VWC2: variants seen among roughly 807,000 people sequenced by gnomAD.
VWC2 encodes von Willebrand factor C domain containing 2, also known as brorin.
Under a neutral mutation model 29.8 loss-of-function variants are expected in VWC2, and 14 were observed. The observed-to-expected ratio is 0.47, with a 90% CI of 0.31 to 0.74. VWC2 has a LOEUF of 0.74. Ranked by LOEUF, VWC2 falls within the 30% of genes least tolerant of loss-of-function variation. The pLI, the probability that VWC2 is intolerant of heterozygous loss-of-function variation, is 0.05. For missense variants in VWC2, 457 were observed against 459.8 expected, an observed-to-expected ratio of 0.99 and a Z score of 0.05; for synonymous variants, 213 against 199.0, an observed-to-expected ratio of 1.07 and a Z score of -0.59.
At chr7:49,860,572 A>T (rs993196501) in intron 3 of VWC2, among the ~76,000 whole-genome samples, 3 of 152,248 alleles carry the variant, frequency 2.0e-5, no homozygotes, top group South Asian at 4.1e-4. Flanking sequence ...ATTGGCATAC[A>T]AGTATCTGTT....
Position 49,921,641 on chromosome 7 carries a change from A to G in VWC2, c.*9456A>G, listed in dbSNP as rs1286885173. 6 of 152,218 alleles carry G rather than the reference A, an allele frequency of 3.9e-5. No homozygotes were observed. The highest frequency in any genetic ancestry group is 1.4e-4 in the African/African-American group (6 of 41,460). 9.4% of individuals were successfully genotyped at this position (152,218 alleles called of 1,614,324 possible). Reference sequence around the variant, plus strand: ...CCTAGAATAGATATTTATAAAGCACAAGATCTATGTAAAGTGTTTATAACA... The same window carrying G: ...CCTAGAATAGATATTTATAAAGCACGAGATCTATGTAAAGTGTTTATAACA... On this transcript the variant is annotated 3_prime_UTR_variant, in exon 4 of 4. Transcript: ENST00000340652.
intron 3 of VWC2, among the ~76,000 whole-genome samples, chr7:49,857,589 C>A (rs1324828626): frequency 6.6e-6 from 1 of 152,138 alleles, no homozygotes; most frequent in South Asian, 2.1e-4. Flanking sequence ...CAAATTAAAA[C>A]CTCCGTGAGA....
At chr7:49,862,420 G>A (rs1226842948) in intron 3 of VWC2, among the ~76,000 whole-genome samples, 1 of 152,140 alleles carries the variant, frequency 6.6e-6, no homozygotes, top group Non-Finnish European at 1.5e-5. Flanking sequence ...CGTGAATAGA[G>A]ATAGTTTTAT....
At position 49,775,354 on chromosome 7, in the gene VWC2, G is replaced by C; in HGVS notation, c.-82G>C. On this transcript the variant is annotated 5_prime_UTR_variant, in exon 2 of 4. Transcript: ENST00000340652. ...GCAGGGACGGCGGCTCCCGGCTGGCGGCGGCGCGCCCCCGGGCTGTGAATG... is the reference window on the plus strand; with the variant it reads ...GCAGGGACGGCGGCTCCCGGCTGGCCGCGGCGCGCCCCCGGGCTGTGAATG... The C allele has an allele frequency of 1.7e-6, 2 of 1,165,168 alleles. No homozygotes were observed. The highest frequency in any genetic ancestry group is 2.2e-6 in the Non-Finnish European group (2 of 913,166). 72.2% of individuals were successfully genotyped at this position (1,165,168 alleles called of 1,614,324 possible).
intron 3 of VWC2, among the ~76,000 whole-genome samples, chr7:49,856,116 C>T (rs1445126356): frequency 6.6e-6 from 1 of 152,180 alleles, no homozygotes; most frequent in African/African-American, 2.4e-5. Context: ...TGCATAAGAC[C>T]ATACACGTAA....
intron 3 of VWC2, among the ~76,000 whole-genome samples, chr7:49,900,904 T>C (rs1390467603): frequency 2.0e-5 from 3 of 151,854 alleles, no homozygotes; most frequent in Non-Finnish European, 4.4e-5. Context: ...GTAAGAATAA[T>C]TATACATCAC....
chr7:49,787,543 G>T (rs895441000), intron 2 of VWC2, among the ~76,000 whole-genome samples: 21 of 152,176 alleles, frequency 1.4e-4, no homozygotes, highest in African/African-American at 5.1e-4. Flanking sequence ...AGCCCCACCC[G>T]TGGGGAGCCT....
chr7:49,863,081 A>C (rs1307254639), intron 3 of VWC2, among the ~76,000 whole-genome samples: 2 of 152,166 alleles, frequency 1.3e-5, no homozygotes, highest in Non-Finnish European at 2.9e-5. Context: ...TCACCAGTGA[A>C]ACCATCTGGT....
At chr7:49,814,132 T>C (rs1397700492) in intron 3 of VWC2, among the ~76,000 whole-genome samples, 2 of 152,232 alleles carry the variant, frequency 1.3e-5, no homozygotes, top group East Asian at 3.8e-4. Flanking sequence ...TTTGTGGGAA[T>C]GTTGATTCAG....
chr7:49,909,915 G>C (rs1407172068), intron 3 of VWC2, among the ~76,000 whole-genome samples: 1 of 151,934 alleles, frequency 6.6e-6, no homozygotes, highest in East Asian at 1.9e-4. Context: ...ACCAGCCTGG[G>C]CAACATAGAA....
chr7:49,898,875 T>C (rs909132020), intron 3 of VWC2, among the ~76,000 whole-genome samples: 6 of 151,394 alleles, frequency 4.0e-5, no homozygotes, highest in African/African-American at 1.5e-4. Context: ...AGAAGAAAAA[T>C]AGAATCATAA....
chr7:49,903,941 T>C (rs970965627), intron 3 of VWC2, among the ~76,000 whole-genome samples: 2 of 152,144 alleles, frequency 1.3e-5, no homozygotes, highest in Non-Finnish European at 2.9e-5. Flanking sequence ...CTGGTTTACA[T>C]AGGGCTCACA....
chr7:49,901,131 G>A (rs1444180398), intron 3 of VWC2: 1 of 151,882 alleles, frequency 6.6e-6, no homozygotes, highest in Non-Finnish European at 1.5e-5. Context: ...TGAGAAACTT[G>A]AAGCTTTCCC....
downstream of VWC2, chr7:49,921,996 A>G (rs1794039770): frequency 6.6e-6 from 1 of 152,176 alleles, no homozygotes; most frequent in Non-Finnish European, 1.5e-5. Context: ...ATCCTTTGAA[A>G]TATTTTAGCT....
Position 49,919,864 on chromosome 7 carries a change from G to A in VWC2, c.*7679G>A, listed in dbSNP as rs1019274970. On this transcript the variant is annotated 3_prime_UTR_variant, in exon 4 of 4. Transcript: ENST00000340652. ...TTAAGATAGGCATCAGTGCAATAAA[G>A]GAGCTTGATACAAAAATCATTATGT... 3 of 152,110 alleles carry A rather than the reference G, an allele frequency of 2.0e-5. No individual in the cohort carries two copies. The highest frequency in any genetic ancestry group is 4.4e-5 in the Non-Finnish European group (3 of 68,008). 9.4% of individuals were successfully genotyped at this position (152,110 alleles called of 1,614,324 possible). A position where few individuals can be genotyped will look rare whatever the true frequency, so the allele number is the denominator to read the frequency against.
intron 3 of VWC2, among the ~76,000 whole-genome samples, chr7:49,881,397 A>C (rs750283577): frequency 6.6e-6 from 1 of 152,164 alleles, no homozygotes; most frequent in Non-Finnish European, 1.5e-5. Context: ...GTCATAGGGG[A>C]GTCTGGAATG....
chr7:49,830,693 G>A (rs190761443), intron 3 of VWC2, among the ~76,000 whole-genome samples: 278 of 151,990 alleles, frequency 1.8e-3, no homozygotes, highest in Admixed American at 3.1e-3. Context: ...GACAGGCCTC[G>A]GTGTGTGATG....
intron 3 of VWC2, among the ~76,000 whole-genome samples, chr7:49,892,508 G>A (rs1489624531): frequency 1.3e-5 from 2 of 152,188 alleles, no homozygotes; most frequent in Admixed American, 6.5e-5. Flanking sequence ...GCAGAGATAG[G>A]CAAACCTATT....
intron 3 of VWC2, among the ~76,000 whole-genome samples, chr7:49,888,459 A>C (rs541936501): frequency 5.3e-4 from 80 of 152,272 alleles, no homozygotes; most frequent in Middle Eastern, 6.8e-3. Flanking sequence ...ATTTTTTTCT[A>C]ATTCATAACA....
Sources: allele counts gnomAD v4.1 joint callset (sites outside exome capture counted in the v4.1 genomes callset), GRCh38; gene constraint gnomAD v4.1.1; transcripts MANE v1.5; gene names NCBI Gene and HGNC (gene_info 2026-07-23, HGNC 2026-07-21).